The following C20orf96 variants were observed in gnomAD, a reference collection of about 807,000 sequenced individuals.
C20orf96 encodes uncharacterized protein C20orf96.
Under a neutral mutation model 52.6 loss-of-function variants are expected in C20orf96, and 57 were observed. The ratio of observed to expected loss-of-function variants is 1.08; its 90% CI spans 0.88 to 1.35. C20orf96 has a LOEUF of 1.35. Among genes scored for constraint, C20orf96 ranks in the 40% most tolerant of loss-of-function variants. C20orf96 has a pLI of 0.00. For synonymous variants in C20orf96, 168 were observed against 157.2 expected (o/e 1.07, Z -0.51); for missense variants, 478 against 443.6 (o/e 1.08, Z -0.70).
Position 277,209 on chromosome 20 carries a change from G to T in C20orf96, c.723+17C>A. On this transcript the variant is annotated intron_variant, in intron 7 of 10. Transcript: ENST00000360321. ...CTCCCACACAGTCTGGTGGGAGAGG[G>T]GCAGGGGCTCCCCTACCTGCTGGCT... The T allele has an allele frequency of 6.2e-7, 1 of 1,614,070 alleles. No homozygotes were observed. Among genetic ancestry groups the T allele is most frequent in the Non-Finnish European group, 8.5e-7 (1 of 1,179,972 alleles).
In C20orf96 at chr20:290,666, C is replaced by G; in HGVS notation, c.-56G>C. The G allele has an allele frequency of 6.3e-7, 1 of 1,581,228 alleles. No individual in the cohort carries two copies. The highest frequency in any genetic ancestry group is 2.3e-5 in the East Asian group (1 of 42,754). On this transcript the variant is annotated 5_prime_UTR_variant, in exon 1 of 11. Coordinates refer to ENST00000360321, the MANE Select transcript of C20orf96 (RefSeq NM_153269.3). ...GTGAGACCCTGATCTTCTGGTATAACTACTCGGCTTTTCCAACTTCCTTGT... is the reference window on the plus strand; with the variant it reads ...GTGAGACCCTGATCTTCTGGTATAAGTACTCGGCTTTTCCAACTTCCTTGT...
chr20:274,274 C>A (rs1489436456), intron 10 of C20orf96, among the ~76,000 whole-genome samples: 1 of 151,986 alleles, frequency 6.6e-6, no homozygotes, highest in Non-Finnish European at 1.5e-5. Context: ...TTGCTCCTGG[C>A]CTCTCTCTGC....
intron 3 of C20orf96, among the ~76,000 whole-genome samples, chr20:288,547 T>C (rs2012456714): frequency 6.6e-6 from 1 of 152,188 alleles, no homozygotes; most frequent in African/African-American, 2.4e-5. Context: ...TCATCACCTC[T>C]GGGCTTCACT....
In C20orf96 at chr20:277,368, G is replaced by A. The variant is rs1386056498; in HGVS notation, c.581C>T (p.Ala194Val). ...KCKMSYLEQQ[A>V]EQLNAKIEKT... ...CTCAATCTTGGCATTCAGCTGCTCTGCCTGCTGCTCAAGATCTGGGGAGGG... is the reference window on the plus strand; with the variant it reads ...CTCAATCTTGGCATTCAGCTGCTCTACCTGCTGCTCAAGATCTGGGGAGGG... Residue 194 changes from alanine (A) to valine (V), a missense_variant, in exon 7 of 11, where the codon GCA becomes GTA. By Grantham distance (64) the Ala-to-Val change is moderately conservative. Coordinates refer to ENST00000360321, the MANE Select transcript of C20orf96 (RefSeq NM_153269.3). The A allele has an allele frequency of 1.2e-6, 2 of 1,613,948 alleles. No homozygotes were observed. The highest frequency in any genetic ancestry group is 1.1e-5 in the South Asian group (1 of 91,074).
In C20orf96 at chr20:276,104, G is replaced by T. The variant is rs766455676; in HGVS notation, c.913-18C>A. ...TCAATAATCTGAGAGGAAAGGCACA[G>T]CAGGGGAGAAGGGAGAGGCAAATGG... On this transcript the variant is annotated intron_variant, in intron 9 of 10. Transcript: ENST00000360321. The T allele has an allele frequency of 6.2e-7, 1 of 1,609,870 alleles. No individual in the cohort carries two copies. The highest frequency in any genetic ancestry group is 1.4e-5 in the African/African-American group (1 of 71,878).
intron 10 of C20orf96, among the ~76,000 whole-genome samples, chr20:275,289 C>T (rs565440668): frequency 1.2e-3 from 181 of 151,376 alleles, no homozygotes; most frequent in African/African-American, 3.9e-3. Context: ...TTCAGAGGCA[C>T]TTCATAAATC....
chr20:281,603 A>G lies in C20orf96; in HGVS notation c.307-2273T>C, dbSNP rs188710357. 4.7e-4 allele frequency among the ~76,000 whole-genome samples: 71 copies of G among 152,344 alleles called. 2 individuals carry two copies. Among genetic ancestry groups the G allele is most frequent in the Admixed American group, 4.6e-3 (71 of 15,302 alleles). Reference sequence around the variant, plus strand: ...GTGCTTGCCATGTGGCTGATACTGTACTAAGCACTTCATGCGCACTGCAGC... The same window carrying G: ...GTGCTTGCCATGTGGCTGATACTGTGCTAAGCACTTCATGCGCACTGCAGC... On this transcript the variant is annotated intron_variant, in intron 4 of 10. Coordinates refer to ENST00000360321, the MANE Select transcript of C20orf96 (RefSeq NM_153269.3).
At position 279,251 on chromosome 20, in the gene C20orf96, A is replaced by AGG. The variant is rs759048926; in HGVS notation, c.385_386insCC (p.Leu129ProfsTer2). 1 of 1,611,122 alleles carries AGG rather than the reference A, an allele frequency of 6.2e-7. No homozygotes were observed. The highest frequency in any genetic ancestry group is 1.1e-5 in the South Asian group (1 of 91,056). On this transcript the variant is annotated frameshift_variant, in exon 5 of 11. Coordinates refer to ENST00000360321, the MANE Select transcript of C20orf96 (RefSeq NM_153269.3). LOFTEE classifies it high-confidence loss of function. ...CTCCATCTCCTGGATGGTCTCGATC[A>AGG]GCTCCCGGTTGAGCTTGCTGAGGAA...
intron 4 of C20orf96, among the ~76,000 whole-genome samples, chr20:283,670 C>A (rs2012307939): frequency 6.7e-6 from 1 of 149,040 alleles, no homozygotes. Context: ...AAATAACAAG[C>A]AATTCTGATT....
chr20:274,780 C>T (rs1428143296), intron 10 of C20orf96, among the ~76,000 whole-genome samples: 4 of 152,042 alleles, frequency 2.6e-5, no homozygotes, highest in Non-Finnish European at 5.9e-5. Flanking sequence ...CCCAGACTTG[C>T]TGTCCTAACA....
At chr20:279,489 G>C (rs2012192324) in intron 4 of C20orf96, among the ~76,000 whole-genome samples, 159 bp from the exon 5 acceptor site, 1 of 152,124 alleles carries the variant, frequency 6.6e-6, no homozygotes, top group Non-Finnish European at 1.5e-5. Flanking sequence ...CCCATTGTCT[G>C]CGCCGCCCGG....
At chr20:276,924 G>A in intron 8 of C20orf96, 45 bp from the exon 9 acceptor site, 1 of 1,611,472 alleles carries the variant, frequency 6.2e-7, no homozygotes, top group Non-Finnish European at 8.5e-7. Flanking sequence ...CTCTTCCTGG[G>A]CAGCAGAACA....
At chr20:282,880 AT>A (rs1410220476) in intron 4 of C20orf96, among the ~76,000 whole-genome samples, 2 of 152,262 alleles carry the variant, frequency 1.3e-5, no homozygotes, top group Admixed American at 1.3e-4. Context: ...TCAAAAAAAA[AT>A]TTTTTTAAAA....
At position 282,310 on chromosome 20, in the gene C20orf96, T is replaced by C. The variant is rs73891910; in HGVS notation, c.306+1653A>G. On this transcript the variant is annotated intron_variant, in intron 4 of 10. Transcript: ENST00000360321. Reference sequence around the variant, plus strand: ...ATCATCATTTCAAATATCTTTCTCTTGTTGATTGTCAGTCTCCCCCATCCA... The same window carrying C: ...ATCATCATTTCAAATATCTTTCTCTCGTTGATTGTCAGTCTCCCCCATCCA... 3.7e-3 allele frequency among the ~76,000 whole-genome samples: 565 copies of C among 152,296 alleles called. 2 individuals are homozygous for C. The highest frequency in any genetic ancestry group is 0.013 in the African/African-American group (543 of 41,558).
chr20:280,458 C>T (rs1360580097), intron 4 of C20orf96, among the ~76,000 whole-genome samples: 1 of 152,246 alleles, frequency 6.6e-6, no homozygotes, highest in Non-Finnish European at 1.5e-5. Context: ...CTGTGCCTTG[C>T]TCTGCAGGTG....
At position 270,934 on chromosome 20, in the gene C20orf96, C is replaced by A; in HGVS notation, c.*273G>T. ...AATCAGAAATTCCCACCTGGCCCAG[C>A]AGCACCAACCAGAAAGAAGGGAAGA... On this transcript the variant is annotated 3_prime_UTR_variant, in exon 11 of 11. Coordinates refer to ENST00000360321, the MANE Select transcript of C20orf96 (RefSeq NM_153269.3). 2 of 467,562 alleles carry A rather than the reference C, an allele frequency of 4.3e-6. No individual in the cohort carries two copies. The highest frequency in any genetic ancestry group is 7.6e-6 in the Non-Finnish European group (2 of 264,730). The allele number at this position is 467,562 out of a possible 1,614,324, so 29.0% of individuals were successfully genotyped here.
chr20:278,226 T>G, intron 6 of C20orf96, 104 bp downstream of exon 6: 1 of 851,448 alleles, frequency 1.2e-6, no homozygotes, highest in Non-Finnish European at 2.0e-6. Context: ...AGAGAGCCAA[T>G]GGGGCTGAGG....
At chr20:279,433 C>A in intron 4 of C20orf96, 103 bp from the exon 5 acceptor site, 1 of 1,279,322 alleles carries the variant, frequency 7.8e-7, no homozygotes, top group Non-Finnish European at 1.0e-6. Context: ...GACGCCCGCC[C>A]CCGTGCGGCC....
rs542315694 is a variant in C20orf96 at position 276,990 on chromosome 20, C to G, written c.825+54G>C. The G allele has an allele frequency of 8.8e-6, 14 of 1,590,130 alleles. No homozygotes were observed. In the African/African-American group the frequency reaches 1.7e-4, roughly 20 times the overall value. On this transcript the variant is annotated intron_variant, in intron 8 of 10. Transcript: ENST00000360321. ...TGGAGGCAGAGGATGGGGAAGAGGG[C>G]GGGGTGGGGGTGAGACCTGGATCCC...
Sources: gnomAD v4.1 joint callset for allele counts (sites outside exome capture counted in the v4.1 genomes callset) on GRCh38, gnomAD v4.1.1 for gene constraint, MANE v1.5 for transcripts, NCBI Gene and HGNC (gene_info 2026-07-23, HGNC 2026-07-21) for gene names.